Variants in WDR77 observed in about 807,000 individuals in gnomAD.
WDR77 encodes WD repeat domain 77.
WDR77 carries 31 observed loss-of-function variants against 44.0 expected under a neutral mutation model. That is an observed-to-expected ratio of 0.70 (90% confidence interval 0.53 to 0.95). The LOEUF is 0.95. WDR77 is among the 40% of genes least tolerant of loss of function. The probability of loss-of-function intolerance (pLI) is 0.00; values close to 1 mark genes in which losing one functional copy is unlikely to be tolerated. For synonymous variants in WDR77, 186 were observed against 165.7 expected (o/e 1.12, Z -0.94); for missense variants, 390 against 423.9 (o/e 0.92, Z 0.70).
Position 111,449,108 on chromosome 1 carries a change from G to A in WDR77, c.62C>T (p.Pro21Leu). ...PPAAREWNLP[P>L]NAPACMERQL... ...CCGTTCCATGCAGGCGGGCGCATTT[G>A]GGGGAAGATTCCACTCCCGGGCCGC... The change falls in exon 1 of 10, where the codon CCA becomes CTA. Residue 21 changes from proline (P) to leucine (L), a missense_variant. Pro to Leu is a moderately conservative substitution (Grantham distance 98, BLOSUM62 -3). Transcript: ENST00000235090. The A allele has an allele frequency of 6.2e-7, 1 of 1,604,154 alleles. No individual in the cohort carries two copies. Among genetic ancestry groups the A allele is most frequent in the Non-Finnish European group, 8.5e-7 (1 of 1,177,170 alleles).
In WDR77 at chr1:111,449,214, C is replaced by G. The variant is rs562212182; in HGVS notation, c.-45G>C. On this transcript the variant is annotated 5_prime_UTR_variant, in exon 1 of 10. Transcript: ENST00000235090. Reference sequence around the variant, plus strand: ...ACCTAGACTCAAACTGGACGCCGGCCGGAGACTCCGCTCCGGCAGCAAACC... The same window carrying G: ...ACCTAGACTCAAACTGGACGCCGGCGGGAGACTCCGCTCCGGCAGCAAACC... 12 of 1,537,994 alleles carry G rather than the reference C, an allele frequency of 7.8e-6. No individual in the cohort carries two copies. Among genetic ancestry groups the G allele is most frequent in the South Asian group, 1.2e-5 (1 of 84,448 alleles).
At chr1:111,443,439 A>C in intron 6 of WDR77, 45 bp from the exon 7 acceptor site, 1 of 1,523,264 alleles carries the variant, frequency 6.6e-7, no homozygotes, top group Non-Finnish European at 8.9e-7. Context: ...CAGAGTACAG[A>C]AGAAGCAGTT....
intron 7 of WDR77, 114 bp downstream of exon 7, chr1:111,443,209 T>G (rs949356273): frequency 2.2e-6 from 2 of 929,362 alleles, no homozygotes; most frequent in Non-Finnish European, 3.2e-6. Context: ...ATTCATCTAG[T>G]GTCCATGAGG....
chr1:111,445,810 C>T (rs1397073074), intron 4 of WDR77, among the ~76,000 whole-genome samples: 1 of 152,092 alleles, frequency 6.6e-6, no homozygotes, highest in Non-Finnish European at 1.5e-5. Context: ...ACTCTGTTGC[C>T]CAGGCTGGAG....
rs765218549 is a variant in WDR77 at position 111,448,824 on chromosome 1, T to C, written c.116-20A>G. 1.9e-6 allele frequency: 3 copies of C among 1,559,284 alleles called. No homozygotes were observed. Among genetic ancestry groups the C allele is most frequent in the Non-Finnish European group, 2.6e-6 (3 of 1,151,084 alleles). The stretch of plus-strand genomic sequence containing the variant: ...CCCCATCTACGGGGGGTACAAGCTG[T>C]CAGCGCGTGAAGGGTAGAAGGGTTC... On this transcript the variant is annotated intron_variant, in intron 1 of 9. Coordinates refer to ENST00000235090, the MANE Select transcript of WDR77 (RefSeq NM_024102.4).
rs757385818 is a variant in WDR77, at chr1:111,449,221, T to C, written c.-52A>G. 13 of 1,536,998 alleles carry C rather than the reference T, an allele frequency of 8.5e-6. No individual in the cohort carries two copies. The highest frequency in any genetic ancestry group is 1.2e-5 in the South Asian group (1 of 84,364). ...CTCAAACTGGACGCCGGCCGGAGACTCCGCTCCGGCAGCAAACCCCACGTG... is the reference window on the plus strand; with the variant it reads ...CTCAAACTGGACGCCGGCCGGAGACCCCGCTCCGGCAGCAAACCCCACGTG... On this transcript the variant is annotated 5_prime_UTR_variant, in exon 1 of 10. Coordinates refer to ENST00000235090, the MANE Select transcript of WDR77 (RefSeq NM_024102.4).
rs1652757982 is a variant in WDR77 at position 111,440,405 on chromosome 1, GA to G, written c.*824del. On this transcript the variant is annotated 3_prime_UTR_variant, in exon 10 of 10. Transcript: ENST00000235090. ...CATCAAGAGAAAGGGGACCAGGGCA[GA>G]AGATGTCAGGCCCCATGCTGTTTTG... 6.6e-6 allele frequency: 1 copy of G among 152,242 alleles called. No homozygotes were observed. The highest frequency in any genetic ancestry group is 2.1e-4 in the South Asian group (1 of 4,830). The allele number at this position is 152,242 out of a possible 1,614,324, so 9.4% of individuals were successfully genotyped here. A position where few individuals can be genotyped will look rare whatever the true frequency, so the allele number is the denominator to read the frequency against.
At chr1:111,448,456 A>G (rs1036727747) in intron 2 of WDR77, among the ~76,000 whole-genome samples, 163 bp downstream of exon 2, 2 of 152,192 alleles carry the variant, frequency 1.3e-5, no homozygotes, top group South Asian at 2.1e-4. Flanking sequence ...TAGAAAAGGT[A>G]TTTCCCACCT....
At chr1:111,442,567 C>T in intron 8 of WDR77, 86 bp downstream of exon 8, 3 of 900,180 alleles carry the variant, frequency 3.3e-6, no homozygotes, top group Non-Finnish European at 4.7e-6. Context: ...GGAACTACTT[C>T]ATCAGCTAAT....
intron 9 of WDR77, among the ~76,000 whole-genome samples, chr1:111,441,811 C>T (rs779550771): frequency 1.3e-5 from 2 of 152,166 alleles, no homozygotes; most frequent in Admixed American, 6.5e-5. Context: ...CTACCACCCC[C>T]CTCTACCAAG....
At chr1:111,449,016 C>A (rs373987783) in intron 1 of WDR77, 39 bp downstream of exon 1, 265 of 1,551,486 alleles carry the variant, frequency 1.7e-4, no homozygotes, top group Non-Finnish European at 2.1e-4. Flanking sequence ...CGCCCTGGGC[C>A]GGGGTAAGGG....
At chr1:111,442,590 T>TAC (rs991931497) in intron 8 of WDR77, 63 bp downstream of exon 8, 3 of 1,180,808 alleles carry the variant, frequency 2.5e-6, no homozygotes, top group Non-Finnish European at 1.1e-6. Context: ...TTTGAAAACA[T>TAC]ACACACACAC....
chr1:111,444,207 C>CA (rs1652928616), intron 4 of WDR77, 83 bp from the exon 5 acceptor site: 3 of 1,384,584 alleles, frequency 2.2e-6, no homozygotes, highest in Non-Finnish European at 3.1e-6. Context: ...AATCAAGGGG[C>CA]AGGAGGGAGG....
At position 111,441,160 on chromosome 1, in the gene WDR77, T is replaced by G; in HGVS notation, c.*70A>C. On this transcript the variant is annotated 3_prime_UTR_variant, in exon 10 of 10. Transcript: ENST00000235090. Reference sequence around the variant, plus strand: ...TACTATAGAAGGCTCCTGTGTTGTCTCACAAGCTGAGAGGGCAGGGCAAAG... The same window carrying G: ...TACTATAGAAGGCTCCTGTGTTGTCGCACAAGCTGAGAGGGCAGGGCAAAG... 2 of 1,365,866 alleles carry G rather than the reference T, an allele frequency of 1.5e-6. No homozygotes were observed. Among genetic ancestry groups the G allele is most frequent in the Non-Finnish European group, 1.9e-6 (2 of 1,045,808 alleles). 84.6% of individuals were successfully genotyped at this position (1,365,866 alleles called of 1,614,324 possible).
Position 111,449,135 on chromosome 1 carries a change from G to A in WDR77, c.35C>T (p.Pro12Leu), listed in dbSNP as rs753270642. 1.3e-5 allele frequency: 21 copies of A among 1,593,966 alleles called. No homozygotes were observed. In the Middle Eastern group the frequency reaches 5.0e-4, roughly 38 times the overall value. ...GGGAAGATTCCACTCCCGGGCCGCC[G>A]GGGGCACTAGGGGGGGTGGGGTTTC... Reference protein sequence around the residue: ...RKETPPPLVPPAAREWNLPPN... With the variant: ...RKETPPPLVPLAAREWNLPPN... The change falls in exon 1 of 10, where the codon CCG (proline) becomes CTG (leucine). Residue 12 changes from proline to leucine, a missense_variant. By Grantham distance (98) the Pro-to-Leu change is moderately conservative. Coordinates refer to ENST00000235090, the MANE Select transcript of WDR77 (RefSeq NM_024102.4).
In WDR77 at chr1:111,448,723, G is replaced by A. The variant is rs756497321; in HGVS notation, c.197C>T (p.Ala66Val). Residue 66 changes from alanine (A) to valine (V), a missense_variant, in exon 2 of 10, where the codon GCC becomes GTC. Physicochemically the swap from Ala to Val is moderately conservative, Grantham distance 64 (BLOSUM62 0). Coordinates refer to ENST00000235090, the MANE Select transcript of WDR77 (RefSeq NM_024102.4). ...GSLWLFKDPCAAPNEGFCSAG... is the reference protein window; with the variant it reads ...GSLWLFKDPCVAPNEGFCSAG... ...GGAGCAGAAGCCTTCGTTGGGGGCG[G>A]CACAGGGGTCCTTAAAAAGCCAGAG... 2 of 1,613,902 alleles carry A rather than the reference G, an allele frequency of 1.2e-6. No individual in the cohort carries two copies. Among genetic ancestry groups the A allele is most frequent in the South Asian group, 1.1e-5 (1 of 91,020 alleles).
chr1:111,445,858 T>C (rs1172408444), intron 4 of WDR77, among the ~76,000 whole-genome samples: 1 of 151,970 alleles, frequency 6.6e-6, no homozygotes, highest in Non-Finnish European at 1.5e-5. Flanking sequence ...AACCTCCGCC[T>C]CCAGGGTTCA....
chr1:111,447,522 A>G lies in WDR77; in HGVS notation c.356T>C (p.Phe119Ser). 1 of 1,614,200 alleles carries G rather than the reference A, an allele frequency of 6.2e-7. No homozygotes were observed. The highest frequency in any genetic ancestry group is 8.5e-7 in the Non-Finnish European group (1 of 1,180,028). ...AATGTCATCATGCTCATACTTGCAG[A>G]ACTTGCTGACAATAAGTGTCTCATT... Reference protein sequence around the residue: ...DENETLIVSKFCKYEHDDIVS... With the variant: ...DENETLIVSKSCKYEHDDIVS... Residue 119 changes from phenylalanine (F) to serine (S), a missense_variant, in exon 3 of 10, where the codon TTC becomes TCC. Physicochemically the swap from Phe to Ser is radical, Grantham distance 155 (BLOSUM62 -2). Transcript: ENST00000235090.
intron 4 of WDR77, among the ~76,000 whole-genome samples, chr1:111,444,668 G>C: frequency 6.6e-6 from 1 of 152,058 alleles, no homozygotes; most frequent in Non-Finnish European, 1.5e-5. Context: ...AAAATATAAG[G>C]GTTCTAAACT....
Sources: allele counts gnomAD v4.1 joint callset (sites outside exome capture counted in the v4.1 genomes callset), GRCh38; gene constraint gnomAD v4.1.1; transcripts MANE v1.5; gene names NCBI Gene and HGNC (gene_info 2026-07-23, HGNC 2026-07-21).